Variants in PDE9A observed in about 807,000 individuals in gnomAD.
PDE9A encodes the protein high affinity cGMP-specific 3',5'-cyclic phosphodiesterase 9A.
Under a neutral mutation model 87.4 loss-of-function variants are expected in PDE9A, and 60 were observed. The observed-to-expected ratio is 0.69, with a 90% CI of 0.56 to 0.85. The LOEUF (loss-of-function observed/expected upper bound fraction) is 0.85, where lower values mean the gene tolerates loss of function less well. Ranked by LOEUF, PDE9A falls within the 40% of genes least tolerant of loss-of-function variation. The probability of loss-of-function intolerance (pLI) is 0.00; values close to 1 mark genes in which losing one functional copy is unlikely to be tolerated. For synonymous variants in PDE9A, 272 were observed against 279.4 expected, an observed-to-expected ratio of 0.97 and a Z score of 0.27; for missense variants, 665 against 779.0, an observed-to-expected ratio of 0.85 and a Z score of 1.74.
rs1369813908 is a variant in PDE9A, at chr21:42,759,334, G to A, written c.897+249G>A. The stretch of plus-strand genomic sequence containing the variant: ...AGGAGTAGCTTATCAGTGAGACTCT[G>A]CCATCATCAAGCAAAGCAGCATGTC... On this transcript the variant is annotated intron_variant, in intron 11 of 19. Coordinates refer to ENST00000291539, the MANE Select transcript of PDE9A (RefSeq NM_002606.3). This position sits in a 1 kb window ranked among gnomAD's most constrained non-coding sequence, Gnocchi z 7.2. Among the ~76,000 whole-genome samples the A allele has an allele frequency of 2.0e-5, 3 of 152,112 alleles. No homozygotes were observed. Among genetic ancestry groups the A allele is most frequent in the African/African-American group, 7.2e-5 (3 of 41,414 alleles).
At position 42,666,132 on chromosome 21, in the gene PDE9A, C is replaced by T. The variant is rs374675100; in HGVS notation, c.69+12249C>T. Among the ~76,000 whole-genome samples, 204 of 152,194 alleles carry T rather than the reference C, an allele frequency of 1.3e-3. 1 individual carries two copies. Among genetic ancestry groups the T allele is most frequent in the South Asian group, 5.4e-3 (26 of 4,814 alleles). On this transcript the variant is annotated intron_variant, in intron 1 of 19. Coordinates refer to ENST00000291539, the MANE Select transcript of PDE9A (RefSeq NM_002606.3). ...GGGGCGTGGCCACCAGTGCAGTGGG[C>T]GTGGCCACAACCGAGAGGGCGTGGT...
intron 4 of PDE9A, among the ~76,000 whole-genome samples, chr21:42,715,188 C>CTTTTTTTTTTTTT (rs369972172): frequency 1.9e-5 from 2 of 104,692 alleles, no homozygotes; most frequent in Non-Finnish European, 1.8e-5. Flanking sequence ...TGCATCTTTA[C>CTTTTTTTTTTTTT]TTTTTTTTTT....
chr21:42,688,109 G>C, intron 3 of PDE9A, 115 bp downstream of exon 3: 1 of 869,982 alleles, frequency 1.1e-6, no homozygotes, highest in Non-Finnish European at 1.9e-6. Flanking sequence ...ATTGACAGCA[G>C]AGATGGAGAG....
chr21:42,772,637 C>CTT, intron 19 of PDE9A, 117 bp downstream of exon 19: 298 of 562,196 alleles, frequency 5.3e-4, no homozygotes, highest in East Asian at 6.2e-4. Context: ...ATGAATGGAA[C>CTT]TTTTTTTTTT....
At chr21:42,756,850 C>G (rs1336300489) in intron 10 of PDE9A, 1 of 152,432 alleles carries the variant, frequency 6.6e-6, no homozygotes, top group African/African-American at 2.4e-5. Context: ...GCCACAGATG[C>G]ATCCGGCCCT....
At chr21:42,740,767 A>AG (rs1555934842) in intron 7 of PDE9A, among the ~76,000 whole-genome samples, 140 of 146,480 alleles carry the variant, frequency 9.6e-4, no homozygotes, top group Middle Eastern at 3.5e-3. Flanking sequence ...ATAGATAGAT[A>AG]GATAGATAGA....
intron 9 of PDE9A, among the ~76,000 whole-genome samples, chr21:42,753,733 G>A (rs547089120): frequency 9.2e-5 from 14 of 151,968 alleles, no homozygotes; most frequent in South Asian, 2.1e-4. Flanking sequence ...GCATGGTGGC[G>A]GGCGCCTGCA....
chr21:42,674,735 ACT>A (rs1362010694), intron 1 of PDE9A, among the ~76,000 whole-genome samples: 1 of 151,078 alleles, frequency 6.6e-6, no homozygotes, highest in Non-Finnish European at 1.5e-5. Context: ...CCAGACACAC[ACT>A]CTTTACATGC....
At position 42,704,646 on chromosome 21, in the gene PDE9A, T is replaced by C. The variant is rs971673217; in HGVS notation, c.262+5635T>C. Among the ~76,000 whole-genome samples, 11 of 152,134 alleles carry C rather than the reference T, an allele frequency of 7.2e-5. No individual in the cohort carries two copies. Among genetic ancestry groups the C allele is most frequent in the African/African-American group, 2.7e-4 (11 of 41,424 alleles). On this transcript the variant is annotated intron_variant, in intron 4 of 19. Transcript: ENST00000291539. The surrounding 1 kb of genome is among the most constrained non-coding windows in gnomAD (Gnocchi z 5.3). Reference sequence around the variant, plus strand: ...TAGCTCTAGCGACGCCGCCCTGAGTTCTGGCCTGTAAGCAACCCCAGGTGC... The same window carrying C: ...TAGCTCTAGCGACGCCGCCCTGAGTCCTGGCCTGTAAGCAACCCCAGGTGC...
At chr21:42,754,126 A>G in intron 10 of PDE9A, 62 bp downstream of exon 10, 1 of 931,110 alleles carries the variant, frequency 1.1e-6, no homozygotes, top group East Asian at 2.5e-5. Context: ...CTTGGACGCC[A>G]GTGGGACCAC....
intron 1 of PDE9A, among the ~76,000 whole-genome samples, chr21:42,661,424 A>C (rs2057479381): frequency 7.7e-6 from 1 of 129,884 alleles, no homozygotes; most frequent in African/African-American, 3.1e-5. Flanking sequence ...CCCACTGTAC[A>C]TTCCGCTTTC....
intron 1 of PDE9A, among the ~76,000 whole-genome samples, chr21:42,655,147 CAA>C (rs1038603511): frequency 6.7e-6 from 1 of 150,238 alleles, no homozygotes; most frequent in African/African-American, 2.5e-5. Context: ...CATCCACTCA[CAA>C]ACACACACAC....
intron 7 of PDE9A, among the ~76,000 whole-genome samples, chr21:42,740,582 G>GAT (rs1418182051): frequency 1.0e-3 from 58 of 58,040 alleles, no homozygotes; most frequent in African/African-American, 7.3e-3. Flanking sequence ...TAGATGGATG[G>GAT]GTGGATGGAT....
chr21:42,729,092 T>C (rs1454609136), intron 4 of PDE9A, among the ~76,000 whole-genome samples: 3 of 152,184 alleles, frequency 2.0e-5, no homozygotes, highest in Non-Finnish European at 2.9e-5. Context: ...AAACATTTGG[T>C]AGAATTCTCT....
At chr21:42,668,399 G>A (rs1451648191) in intron 1 of PDE9A, among the ~76,000 whole-genome samples, 1 of 152,188 alleles carries the variant, frequency 6.6e-6, no homozygotes, top group East Asian at 1.9e-4. Context: ...CCCCAGAGAG[G>A]GGGTGGCGGA....
chr21:42,761,194 C>T (rs534157577), intron 13 of PDE9A, among the ~76,000 whole-genome samples: 2 of 152,270 alleles, frequency 1.3e-5, no homozygotes, highest in South Asian at 2.1e-4. Context: ...CTGGCCCCGC[C>T]GGCGCCTTCT....
intron 7 of PDE9A, among the ~76,000 whole-genome samples, chr21:42,738,944 G>A (rs752357472): frequency 2.3e-4 from 35 of 152,328 alleles, no homozygotes; most frequent in Non-Finnish European, 4.6e-4. Context: ...ACCTGCCTTG[G>A]CCTCCCAAAG....
chr21:42,732,836 C>T (rs535847076), intron 6 of PDE9A, among the ~76,000 whole-genome samples: 1 of 152,330 alleles, frequency 6.6e-6, no homozygotes, highest in East Asian at 1.9e-4. Context: ...ATCACTTGAA[C>T]CCGGGAGGTG....
At chr21:42,755,944 C>T (rs1026200432) in intron 10 of PDE9A, among the ~76,000 whole-genome samples, 25 of 152,226 alleles carry the variant, frequency 1.6e-4, no homozygotes, top group Middle Eastern at 3.2e-3. Context: ...CCTTTGAGCA[C>T]GGGCCACTGT....
Sources: gnomAD v4.1 joint callset for allele counts (sites outside exome capture counted in the v4.1 genomes callset) on GRCh38, gnomAD v4.1.1 for gene constraint, Gnocchi (gnomAD v3.1) non-coding constraint, MANE v1.5 for transcripts, NCBI Gene and HGNC (gene_info 2026-07-23, HGNC 2026-07-21) for gene names.